GPSM1: variants seen among roughly 807,000 people sequenced by gnomAD.
GPSM1 encodes the protein G protein-signaling modulator 1.
In GPSM1, 48 loss-of-function variants were observed where a neutral mutation model predicts 70.5. The ratio of observed to expected loss-of-function variants is 0.68; its 90% confidence interval spans 0.54 to 0.87. The LOEUF (loss-of-function observed/expected upper bound fraction) is 0.87, where lower values mean the gene tolerates loss of function less well. GPSM1 is among the 40% of genes least tolerant of loss of function. The pLI, the probability that GPSM1 is intolerant of heterozygous loss-of-function variation, is 0.00. For synonymous variants in GPSM1, 416 were observed against 430.1 expected (o/e 0.97, Z 0.41); for missense variants, 981 against 972.6 (o/e 1.01, Z -0.11).
Position 136,356,487 on chromosome 9 carries a change from C to A in GPSM1, c.1758C>A (p.Leu586=), listed in dbSNP as rs1485234380. Residue 586 remains leucine (L), a synonymous_variant, in exon 13 of 14, where the codon CTC becomes CTA. Transcript: ENST00000440944. ...LRITHSNAGH[L]RGHGEPQEPG... ...TCACCCACAGCAATGCAGGGCACCT[C>A]CGAGGCCACGGCGAGCCCCAGGAGC... 6.2e-7 allele frequency: 1 copy of A among 1,611,976 alleles called. No individual in the cohort carries two copies. The highest frequency in any genetic ancestry group is 8.5e-7 in the Non-Finnish European group (1 of 1,179,438).
Position 136,334,680 on chromosome 9 carries a change from C to A in GPSM1, c.290+12C>A, listed in dbSNP as rs200431141. The A allele has an allele frequency of 3.7e-6, 6 of 1,600,612 alleles. No homozygotes were observed. Among genetic ancestry groups the A allele is most frequent in the Non-Finnish European group, 5.1e-6 (6 of 1,173,264 alleles). On this transcript the variant is annotated intron_variant, in intron 2 of 13. Transcript: ENST00000440944. ...CTCCTGCTGGCGCGGTGAGTGGGGA[C>A]GGTCCTGCTGGCGGGTGAGTGGGGC...
chr9:136,334,667 C>T lies in GPSM1; in HGVS notation c.289C>T (p.Arg97Trp), dbSNP rs369254874. 6.7e-5 allele frequency: 108 copies of T among 1,606,404 alleles called. No homozygotes were observed. The highest frequency in any genetic ancestry group is 8.7e-5 in the Non-Finnish European group (103 of 1,177,422). ...CCACAAGCATGACCTCCTGCTGGCG[C>T]GGTGAGTGGGGACGGTCCTGCTGGC... ...EYHKHDLLLA[R>W]TIGDRMGEAK... The change falls in exon 2 of 14, where the codon CGG becomes TGG. Residue 97 changes from arginine to tryptophan, a missense_variant and splice_region_variant. Physicochemically the swap from Arg to Trp is moderately radical, Grantham distance 101. Coordinates refer to ENST00000440944, the MANE Select transcript of GPSM1 (RefSeq NM_001145638.3).
In GPSM1 at chr9:136,358,116, G is replaced by T. The variant is rs371051646; in HGVS notation, c.1924G>T (p.Ala642Ser). 6.2e-7 allele frequency: 1 copy of T among 1,612,362 alleles called. No homozygotes were observed. Residue 642 changes from alanine (A) to serine (S), a missense_variant, in exon 14 of 14, where the codon GCT becomes TCT. Transcript: ENST00000440944. ...DFFSLIQRVQ[A>S]KRMDEQRVDL... ...CTTCAGCCTCATTCAGAGGGTGCAG[G>T]CTAAGCGCATGGACGAGCAGCGGGT...
chr9:136,346,610 C>T lies in GPSM1; in HGVS notation c.1208-2087C>T, dbSNP rs1400767539. Among the ~76,000 whole-genome samples the T allele has an allele frequency of 2.0e-5, 3 of 152,336 alleles. No individual in the cohort carries two copies. The East Asian group carries it at 5.8e-4, about 29-fold the overall frequency. On this transcript the variant is annotated intron_variant, in intron 9 of 13. Coordinates refer to ENST00000440944, the MANE Select transcript of GPSM1 (RefSeq NM_001145638.3). ...TGGAGGCTTGGACTCCATTTGGTGG[C>T]ACAATGCTCAGACAGCAGCCCCCCA...
chr9:136,331,440 G>A (rs1413103568), intron 1 of GPSM1, among the ~76,000 whole-genome samples: 1 of 151,902 alleles, frequency 6.6e-6, no homozygotes, highest in African/African-American at 2.4e-5. Context: ...AGGTGGGGTC[G>A]GGTGGAGCAG....
In GPSM1 at chr9:136,353,208, G is replaced by A. The variant is rs532749708; in HGVS notation, c.1456-2482G>A. On this transcript the variant is annotated intron_variant, in intron 11 of 13. Transcript: ENST00000440944. ...CAGGTGGAGGCTGAGGGAGCACACG[G>A]GCCTCTGTGAAGCCGGGTGGGGTGG... The A allele has an allele frequency of 6.4e-5, 42 of 658,010 alleles. No individual in the cohort carries two copies. The African/African-American group carries it at 7.4e-4, about 12-fold the overall frequency. 40.8% of individuals were successfully genotyped at this position (658,010 alleles called of 1,614,324 possible).
In GPSM1 at chr9:136,341,691, AGAAGG is replaced by A; in HGVS notation, c.1207+701_1207+705del. ...AAGGTCTTGAGTTTGCCAGCCCCCG[AGAAGG>A]GATGCCTGCCTCCCAGAACGTACCT... is the stretch of plus-strand genomic sequence containing the variant. On this transcript the variant is annotated intron_variant, in intron 9 of 13. Transcript: ENST00000440944. This position sits in a 1 kb window ranked among gnomAD's most constrained non-coding sequence, Gnocchi z 6.7. The A allele has an allele frequency of 1.0e-6, 1 of 992,562 alleles. No individual in the cohort carries two copies. The highest frequency in any genetic ancestry group is 1.2e-6 in the Non-Finnish European group (1 of 833,754). 61.5% of individuals were successfully genotyped at this position (992,562 alleles called of 1,614,324 possible).
At chr9:136,353,766 GC>G (rs1832736165) in intron 11 of GPSM1, among the ~76,000 whole-genome samples, 1 of 152,178 alleles carries the variant, frequency 6.6e-6, no homozygotes, top group African/African-American at 2.4e-5. Context: ...AGAGGCAGAG[GC>G]CCCCCGCGGC....
In GPSM1 at chr9:136,336,929, G is replaced by T; in HGVS notation, c.435G>T (p.Glu145Asp). Residue 145 changes from glutamate to aspartate, a missense_variant, in exon 4 of 14, where the codon GAG becomes GAT. By Grantham distance (45) the Glu-to-Asp change is conservative. Coordinates refer to ENST00000440944, the MANE Select transcript of GPSM1 (RefSeq NM_001145638.3). ...CTCCGTACTGCCCACAGGTTGGGGA[G>T]GCGAGGGCCCTCTACAACATCGGGA... is the stretch of plus-strand genomic sequence containing the variant. ...IAQEQGDKVG[E>D]ARALYNIGNV... 2 of 1,555,216 alleles carry T rather than the reference G, an allele frequency of 1.3e-6. No homozygotes were observed.
chr9:136,337,709 G>C (rs1447411254), intron 5 of GPSM1, 137 bp from the exon 6 acceptor site: 1 of 978,288 alleles, frequency 1.0e-6, no homozygotes, highest in East Asian at 2.6e-5. Flanking sequence ...ATCTGCACTT[G>C]GTCCTGCAGC....
intron 1 of GPSM1, among the ~76,000 whole-genome samples, chr9:136,330,263 T>A (rs568406163): frequency 1.3e-5 from 2 of 152,148 alleles, no homozygotes; most frequent in African/African-American, 4.8e-5. Context: ...CTGTTAGAGA[T>A]GCCCTCCAAG....
chr9:136,337,827 C>T lies in GPSM1; in HGVS notation c.703-19C>T. Reference sequence around the variant, plus strand: ...CGGGGCTGCGCCATGACCACCTGGCCTCCGGTGTGTCTCCGCAGCGCCTGG... The same window carrying T: ...CGGGGCTGCGCCATGACCACCTGGCTTCCGGTGTGTCTCCGCAGCGCCTGG... On this transcript the variant is annotated intron_variant, in intron 5 of 13. Coordinates refer to ENST00000440944, the MANE Select transcript of GPSM1 (RefSeq NM_001145638.3). The T allele has an allele frequency of 6.3e-7, 1 of 1,581,338 alleles. No homozygotes were observed. Among genetic ancestry groups the T allele is most frequent in the Non-Finnish European group, 8.7e-7 (1 of 1,151,866 alleles).
chr9:136,354,989 GGGA>G, intron 11 of GPSM1: 1 of 1,082,128 alleles, frequency 9.2e-7, no homozygotes, highest in Non-Finnish European at 1.1e-6. Context: ...CCCATGAGAG[GGGA>G]GAAGTCCGGG....
In GPSM1 at chr9:136,341,148, A is replaced by G; in HGVS notation, c.1207+155A>G. 1 of 1,550,056 alleles carries G rather than the reference A, an allele frequency of 6.5e-7. No individual in the cohort carries two copies. Among genetic ancestry groups the G allele is most frequent in the Non-Finnish European group, 8.7e-7 (1 of 1,146,826 alleles). ...GCCAGTTCTTCTTGGCCTCAGGGACAGCACAGGCCTGAGGTTCACCCTGAG... is the reference window on the plus strand; with the variant it reads ...GCCAGTTCTTCTTGGCCTCAGGGACGGCACAGGCCTGAGGTTCACCCTGAG... On this transcript the variant is annotated intron_variant, in intron 9 of 13. Coordinates refer to ENST00000440944, the MANE Select transcript of GPSM1 (RefSeq NM_001145638.3). This position sits in a 1 kb window ranked among gnomAD's most constrained non-coding sequence, Gnocchi z 6.7.
At chr9:136,338,459 G>C in intron 6 of GPSM1, 96 bp from the exon 7 acceptor site, 1 of 1,211,830 alleles carries the variant, frequency 8.3e-7, no homozygotes, top group South Asian at 1.5e-5. Context: ...GGATTCCGGG[G>C]CAGGGGACCA....
In GPSM1 at chr9:136,358,166, G is replaced by T; in HGVS notation, c.1974G>T (p.Gln658His). The T allele has an allele frequency of 6.3e-7, 1 of 1,586,192 alleles. No individual in the cohort carries two copies. ...TGGACCTCGCCGGGGGCCCGGAGCA[G>T]GGGGCAGGCGGCCCGCCCGAGCCCC... ...QRVDLAGGPE[Q>H]GAGGPPEPQQ... The change falls in exon 14 of 14, where the codon CAG becomes CAT. Residue 658 changes from glutamine (Q) to histidine (H), a missense_variant. Transcript: ENST00000440944.
In GPSM1 at chr9:136,349,635, A is replaced by T; in HGVS notation, c.1327A>T (p.Arg443Trp). ...HHSGDWRGPS[R>W]DSLPLPVRSR... ...TTCAGGGGACTGGCGGGGGCCCAGC[A>T]GGGACTCGCTACCCCTCCCCGTGAG... Residue 443 changes from arginine to tryptophan, a missense_variant, in exon 11 of 14, where the codon AGG becomes TGG. By Grantham distance (101) the Arg-to-Trp change is moderately radical. Coordinates refer to ENST00000440944, the MANE Select transcript of GPSM1 (RefSeq NM_001145638.3). 6.5e-7 allele frequency: 1 copy of T among 1,549,970 alleles called. No individual in the cohort carries two copies. The highest frequency in any genetic ancestry group is 8.7e-7 in the Non-Finnish European group (1 of 1,146,670).
At chr9:136,330,856 G>A (rs151042420) in intron 1 of GPSM1, among the ~76,000 whole-genome samples, 100 of 152,274 alleles carry the variant, frequency 6.6e-4, no homozygotes, top group African/African-American at 2.3e-3. Context: ...GTCTGTTGAC[G>A]AGGACTGGGC....
Position 136,341,928 on chromosome 9 carries a change from G to T in GPSM1, c.1207+935G>T. Reference sequence around the variant, plus strand: ...GGCTTCCAGAAGTGCTGGGATTATAGGCGTGAGCCACCGTGCCCAGCCATC... The same window carrying T: ...GGCTTCCAGAAGTGCTGGGATTATATGCGTGAGCCACCGTGCCCAGCCATC... On this transcript the variant is annotated intron_variant, in intron 9 of 13. Transcript: ENST00000440944. The surrounding 1 kb of genome is among the most constrained non-coding windows in gnomAD (Gnocchi z 6.7). 2.9e-6 allele frequency: 1 copy of T among 344,940 alleles called. No individual in the cohort carries two copies. The highest frequency in any genetic ancestry group is 4.1e-6 in the Non-Finnish European group (1 of 244,124). 21.4% of individuals were successfully genotyped at this position (344,940 alleles called of 1,614,324 possible).
Sources: gnomAD v4.1 joint callset for allele counts (sites outside exome capture counted in the v4.1 genomes callset) on GRCh38, gnomAD v4.1.1 for gene constraint, Gnocchi (gnomAD v3.1) non-coding constraint, MANE v1.5 for transcripts, NCBI Gene and HGNC (gene_info 2026-07-23, HGNC 2026-07-21) for gene names.